The following GMDS variants were observed in gnomAD, a reference collection of about 807,000 sequenced individuals.
The protein encoded by GMDS is GDP-mannose 4,6-dehydratase, also known as GDP-mannose 4,6 dehydratase.
A neutral mutation model predicts 49.9 loss-of-function variants in GMDS; 20 were observed. The ratio of observed to expected loss-of-function variants is 0.40; its 90% CI spans 0.28 to 0.58. The LOEUF is 0.58. Ranked by LOEUF, GMDS falls within the 20% of genes least tolerant of loss-of-function variation. The probability of loss-of-function intolerance (pLI) is 0.42; values close to 1 mark genes in which losing one functional copy is unlikely to be tolerated. For synonymous variants in GMDS, 177 were observed against 178.6 expected, an observed-to-expected ratio of 0.99 and a Z score of 0.07; for missense variants, 362 against 481.4, an observed-to-expected ratio of 0.75 and a Z score of 2.32.
intron 7 of GMDS, among the ~76,000 whole-genome samples, chr6:1,747,435 C>T (rs185940415): frequency 6.7e-6 from 1 of 148,896 alleles, no homozygotes. Context: ...GCTTTACGTG[C>T]TACTGTCACA....
Position 1,717,017 on chromosome 6 carries a change from C to T in GMDS, c.987+9399G>A, listed in dbSNP as rs544404238. Among the ~76,000 whole-genome samples the T allele has an allele frequency of 1.2e-4, 18 of 152,356 alleles. No homozygotes were observed. In the East Asian group the frequency reaches 3.1e-3, roughly 26 times the overall value. ...AGTCCGCAAAGTGATTAACAACATG[C>T]TATCCATTCCATGGAAAACACTAGC... On this transcript the variant is annotated intron_variant, in intron 9 of 10. Coordinates refer to ENST00000380815, the MANE Select transcript of GMDS (RefSeq NM_001500.4).
At position 1,738,491 on chromosome 6, in the gene GMDS, C is replaced by A. The variant is rs115181581; in HGVS notation, c.890+3977G>T. ...TATACAGATGGCGACACGTGTCAAG[C>A]CTTTTCGGAGAACATTACAACGGAT... On this transcript the variant is annotated intron_variant, in intron 8 of 10. Coordinates refer to ENST00000380815, the MANE Select transcript of GMDS (RefSeq NM_001500.4). Among the ~76,000 whole-genome samples the A allele has an allele frequency of 4.1e-3, 619 of 152,258 alleles. 2 individuals are homozygous for A. Among genetic ancestry groups the A allele is most frequent in the African/African-American group, 0.015 (604 of 41,534 alleles).
chr6:2,142,337 G>A (rs1396123748), intron 1 of GMDS, among the ~76,000 whole-genome samples: 1 of 152,096 alleles, frequency 6.6e-6, no homozygotes. Flanking sequence ...TTGGAGATAC[G>A]GTTGGTGCAG....
At chr6:2,127,408 TA>T (rs3839607) in intron 1 of GMDS, among the ~76,000 whole-genome samples, 45,761 of 149,564 alleles carry the variant, frequency 0.31, 7,053 homozygotes, top group South Asian at 0.42. Flanking sequence ...ATTAAATGTT[TA>T]AAAAAAAAAA....
At chr6:1,831,334 GC>G (rs1756631953) in intron 7 of GMDS, among the ~76,000 whole-genome samples, 1 of 152,208 alleles carries the variant, frequency 6.6e-6, no homozygotes, top group Non-Finnish European at 1.5e-5. Flanking sequence ...TTACCAATGT[GC>G]CATTTCTCAG....
intron 1 of GMDS, among the ~76,000 whole-genome samples, chr6:2,242,377 A>G (rs1399361712): frequency 6.6e-6 from 1 of 152,238 alleles, no homozygotes; most frequent in Non-Finnish European, 1.5e-5. Flanking sequence ...TTTAAAGCCT[A>G]TTTAATAAGG....
chr6:1,897,361 A>T (rs1760255291), intron 7 of GMDS, among the ~76,000 whole-genome samples: 1 of 152,172 alleles, frequency 6.6e-6, no homozygotes, highest in African/African-American at 2.4e-5. Context: ...ATACGGTCAC[A>T]TTCTGAGGTA....
chr6:2,185,092 G>A (rs1383274044), intron 1 of GMDS, among the ~76,000 whole-genome samples: 1 of 152,240 alleles, frequency 6.6e-6, no homozygotes, highest in African/African-American at 2.4e-5. Context: ...ACAAGGCAAA[G>A]CCAGCTTTAA....
chr6:1,993,444 T>C lies in GMDS; in HGVS notation c.346-32478A>G, dbSNP rs147546705. On this transcript the variant is annotated intron_variant, in intron 4 of 10. Transcript: ENST00000380815. ...GGTCTGTGATTATTCCACATGTGTATGGACAACACCTCTGCAGAGGGCCTG... is the reference window on the plus strand; with the variant it reads ...GGTCTGTGATTATTCCACATGTGTACGGACAACACCTCTGCAGAGGGCCTG... 9.4e-3 allele frequency among the ~76,000 whole-genome samples: 1,436 copies of C among 152,342 alleles called. 20 individuals are homozygous for C. The highest frequency in any genetic ancestry group is 0.037 in the Middle Eastern group (11 of 294).
intron 1 of GMDS, among the ~76,000 whole-genome samples, chr6:2,138,812 C>T (rs888302453): frequency 6.6e-6 from 1 of 152,208 alleles, no homozygotes; most frequent in Non-Finnish European, 1.5e-5. Flanking sequence ...AAATCTACCA[C>T]AGATTTCTTG....
At chr6:1,674,445 T>G (rs761399204) in intron 9 of GMDS, among the ~76,000 whole-genome samples, 1 of 152,148 alleles carries the variant, frequency 6.6e-6, no homozygotes, top group Non-Finnish European at 1.5e-5. Context: ...TTGCAAAGCT[T>G]CTTCTCCCAG....
intron 6 of GMDS, among the ~76,000 whole-genome samples, chr6:1,938,647 A>C (rs761376081): frequency 6.6e-6 from 1 of 151,896 alleles, no homozygotes; most frequent in Non-Finnish European, 1.5e-5. Context: ...GTGTCTACGC[A>C]TGGCTTTCTG....
At chr6:2,143,351 C>T (rs2127530623) in intron 1 of GMDS, among the ~76,000 whole-genome samples, 2 of 152,266 alleles carry the variant, frequency 1.3e-5, no homozygotes, top group South Asian at 2.1e-4. Flanking sequence ...GCCACACGGG[C>T]TCTCCTTTCC....
At chr6:1,715,376 A>C (rs1766137347) in intron 9 of GMDS, among the ~76,000 whole-genome samples, 2 of 152,266 alleles carry the variant, frequency 1.3e-5, no homozygotes, top group African/African-American at 4.8e-5. Flanking sequence ...GCTGTAAAGC[A>C]TAAGAATGAT....
intron 9 of GMDS, among the ~76,000 whole-genome samples, chr6:1,650,307 G>GAA (rs35471224): frequency 6.8e-6 from 1 of 147,802 alleles, no homozygotes; most frequent in Non-Finnish European, 1.5e-5. Flanking sequence ...TCATGCCCAG[G>GAA]AAAAAAAAAA....
At chr6:1,810,808 T>C (rs573895567) in intron 7 of GMDS, among the ~76,000 whole-genome samples, 15 of 152,220 alleles carry the variant, frequency 9.9e-5, no homozygotes, top group Non-Finnish European at 2.2e-4. Flanking sequence ...TTTATCACTG[T>C]GGCTAATTTC....
chr6:2,083,012 C>T (rs933648130), intron 4 of GMDS, among the ~76,000 whole-genome samples: 2 of 152,146 alleles, frequency 1.3e-5, no homozygotes, highest in Non-Finnish European at 2.9e-5. Flanking sequence ...TCTTAAAAGT[C>T]CCACTAAACA....
chr6:1,827,071 AATAT>A (rs201015593), intron 7 of GMDS, among the ~76,000 whole-genome samples: 4 of 97,084 alleles, frequency 4.1e-5, no homozygotes, highest in South Asian at 3.9e-4. Flanking sequence ...CTCTTAAAAA[AATAT>A]ATATGTGTGT....
intron 6 of GMDS, among the ~76,000 whole-genome samples, chr6:1,955,358 A>G (rs1398937508): frequency 6.6e-6 from 1 of 152,224 alleles, no homozygotes; most frequent in Non-Finnish European, 1.5e-5. Context: ...CTGAGTACAT[A>G]TGAAAGAAAG....
Sources: gnomAD v4.1 joint callset for allele counts (sites outside exome capture counted in the v4.1 genomes callset) on GRCh38, gnomAD v4.1.1 for gene constraint, MANE v1.5 for transcripts, NCBI Gene and HGNC (gene_info 2026-07-23, HGNC 2026-07-21) for gene names.